The following SUCLG2 variants were observed in gnomAD, a reference collection of about 807,000 sequenced individuals.
SUCLG2 encodes the protein succinate-CoA ligase GDP-forming subunit beta, also known as succinate--CoA ligase [GDP-forming] subunit beta, mitochondrial.
SUCLG2 carries 42 observed loss-of-function variants against 47.9 expected under a neutral mutation model. The observed-to-expected ratio is 0.88, with a 90% CI of 0.69 to 1.14. The LOEUF (loss-of-function observed/expected upper bound fraction) is 1.14. SUCLG2 is among the 50% of genes most tolerant of loss of function. SUCLG2 has a pLI of 0.00. For synonymous variants in SUCLG2, 195 were observed against 197.3 expected (o/e 0.99, Z 0.10); for missense variants, 571 against 525.9 (o/e 1.09, Z -0.84).
chr3:67,504,653 T>A (rs1705590048), intron 7 of SUCLG2, among the ~76,000 whole-genome samples: 1 of 152,090 alleles, frequency 6.6e-6, no homozygotes, highest in African/African-American at 2.4e-5. Flanking sequence ...TCCACGCCAG[T>A]AGCATAGCCT....
chr3:67,500,492 TGTGAATGGTTGGA>T (rs56402001), intron 7 of SUCLG2, among the ~76,000 whole-genome samples: 7,776 of 152,298 alleles, frequency 0.051, 290 homozygotes, highest in East Asian at 0.12. Flanking sequence ...GTCCACACAT[TGTGAATGGTTGGA>T]GTGAATGAGT....
chr3:67,396,760 G>C (rs1702540515), intron 10 of SUCLG2, among the ~76,000 whole-genome samples: 1 of 152,150 alleles, frequency 6.6e-6, no homozygotes, highest in African/African-American at 2.4e-5. Context: ...GAACATCGAT[G>C]CAAAAATCCT....
intron 9 of SUCLG2, among the ~76,000 whole-genome samples, chr3:67,483,211 G>T (rs1018355587): frequency 6.6e-6 from 1 of 151,698 alleles, no homozygotes; most frequent in Non-Finnish European, 1.5e-5. Flanking sequence ...AAGTTGCTGC[G>T]TAAACTATTT....
intron 9 of SUCLG2, among the ~76,000 whole-genome samples, chr3:67,415,030 G>C (rs1559517657): frequency 6.6e-6 from 1 of 152,054 alleles, no homozygotes; most frequent in Non-Finnish European, 1.5e-5. Context: ...TTTTAAAAAA[G>C]TTTTTGGTAG....
At chr3:67,439,394 C>G (rs1316235815) in intron 9 of SUCLG2, among the ~76,000 whole-genome samples, 2 of 152,244 alleles carry the variant, frequency 1.3e-5, no homozygotes, top group Admixed American at 6.5e-5. Flanking sequence ...CCAGGGCAAT[C>G]AGGCAAGAGA....
At chr3:67,498,320 A>C (rs1279175060) in intron 7 of SUCLG2, 25 bp from the exon 8 acceptor site, 1 of 1,609,822 alleles carries the variant, frequency 6.2e-7, no homozygotes, top group Admixed American at 1.7e-5. Context: ...AAACAATCAT[A>C]CTTGAATATC....
intron 2 of SUCLG2, among the ~76,000 whole-genome samples, chr3:67,605,926 G>C (rs1700405902): frequency 6.6e-6 from 1 of 151,958 alleles, no homozygotes; most frequent in Non-Finnish European, 1.5e-5. Context: ...TTAAAAGCAT[G>C]ATACAGCCAG....
In SUCLG2 at chr3:67,577,589, G is replaced by A. The variant is rs141210583; in HGVS notation, c.226+31866C>T. Among the ~76,000 whole-genome samples the A allele has an allele frequency of 1.3e-3, 201 of 152,258 alleles. 1 individual carries two copies. The highest frequency in any genetic ancestry group is 4.5e-3 in the African/African-American group (188 of 41,538). ...CATATTATAGAGTTCTTAAAATCTGGTGGCATTTCAACCTGTGGAGACCTA... is the reference window on the plus strand; with the variant it reads ...CATATTATAGAGTTCTTAAAATCTGATGGCATTTCAACCTGTGGAGACCTA... On this transcript the variant is annotated intron_variant, in intron 2 of 10. Coordinates refer to ENST00000307227, the MANE Select transcript of SUCLG2 (RefSeq NM_003848.4).
intron 7 of SUCLG2, among the ~76,000 whole-genome samples, chr3:67,504,623 T>C (rs895385732): frequency 2.0e-5 from 3 of 152,126 alleles, no homozygotes; most frequent in Non-Finnish European, 2.9e-5. Context: ...GACCATCCTG[T>C]GCGTTGTAGT....
chr3:67,450,945 A>G (rs1483321369), intron 9 of SUCLG2, among the ~76,000 whole-genome samples: 2 of 152,180 alleles, frequency 1.3e-5, no homozygotes, highest in Admixed American at 6.5e-5. Context: ...TGGTATGTCC[A>G]TCAGGTAGCG....
intron 8 of SUCLG2, among the ~76,000 whole-genome samples, 181 bp from the exon 9 acceptor site, chr3:67,496,121 C>T (rs1230752480): frequency 2.0e-5 from 3 of 151,940 alleles, no homozygotes; most frequent in African/African-American, 7.3e-5. Context: ...AGAATCAGGA[C>T]ATGTATATGC....
chr3:67,374,930 G>C lies in SUCLG2; in HGVS notation c.*814C>G, dbSNP rs1217970657. 1 of 985,416 alleles carries C rather than the reference G, an allele frequency of 1.0e-6. No homozygotes were observed. The allele number at this position is 985,416 out of a possible 1,614,324, so 61.0% of individuals were successfully genotyped here. ...GAGAGAAACGAGGAGAGAAGATAGT[G>C]ATACTAAACACAATTTGATCTTCAG... is the stretch of plus-strand genomic sequence containing the variant. On this transcript the variant is annotated 3_prime_UTR_variant, in exon 11 of 11. Transcript: ENST00000307227.
At chr3:67,518,185 A>G (rs1705999396) in intron 6 of SUCLG2, 62 bp downstream of exon 6, 1 of 1,377,360 alleles carries the variant, frequency 7.3e-7, no homozygotes, top group Admixed American at 1.9e-5. Flanking sequence ...GAGGCAATGA[A>G]GCAAGTTCCC....
At chr3:67,621,985 T>C (rs1269249702) in intron 1 of SUCLG2, among the ~76,000 whole-genome samples, 1 of 152,192 alleles carries the variant, frequency 6.6e-6, no homozygotes, top group Non-Finnish European at 1.5e-5. Context: ...CTTCCATTAT[T>C]TAATATCAAT....
chr3:67,528,258 T>C (rs1478153112), intron 3 of SUCLG2, 36 bp from the exon 4 acceptor site: 17 of 1,585,326 alleles, frequency 1.1e-5, no homozygotes, highest in Middle Eastern at 1.7e-4. Flanking sequence ...AAATGAATGT[T>C]TGTTGAAAAT....
chr3:67,475,986 TCC>T (rs904978150), intron 9 of SUCLG2, among the ~76,000 whole-genome samples: 85 of 149,106 alleles, frequency 5.7e-4, no homozygotes, highest in African/African-American at 1.9e-3. Context: ...CCTTTCCTTC[TCC>T]CTCTCTCTCT....
At chr3:67,454,349 G>A (rs1175224859) in intron 9 of SUCLG2, among the ~76,000 whole-genome samples, 1 of 151,958 alleles carries the variant, frequency 6.6e-6, no homozygotes, top group Non-Finnish European at 1.5e-5. Flanking sequence ...TGGTCGCACT[G>A]GTGGTTACAA....
intron 2 of SUCLG2, among the ~76,000 whole-genome samples, chr3:67,549,858 T>G (rs934289281): frequency 6.6e-6 from 1 of 152,212 alleles, no homozygotes; most frequent in Non-Finnish European, 1.5e-5. Flanking sequence ...TTTTTTCTTT[T>G]TTTTTTAAAC....
At chr3:67,642,534 CAGA>C (rs548674675) in intron 1 of SUCLG2, among the ~76,000 whole-genome samples, 1,628 of 152,196 alleles carry the variant, frequency 0.011, 20 homozygotes, top group Non-Finnish European at 0.013. Context: ...TCATTGTGCC[CAGA>C]AGTTCAAGGA....
Sources: allele counts gnomAD v4.1 joint callset (sites outside exome capture counted in the v4.1 genomes callset), GRCh38; gene constraint gnomAD v4.1.1; transcripts MANE v1.5; gene names NCBI Gene and HGNC (gene_info 2026-07-23, HGNC 2026-07-21).